Variants in DIP2B observed in about 807,000 individuals in gnomAD.
DIP2B encodes the protein DIP2 acetate--CoA ligase B (putative).
A neutral mutation model predicts 198.0 loss-of-function variants in DIP2B; 76 were observed. The observed-to-expected ratio is 0.38, with a 90% CI of 0.32 to 0.46. The LOEUF is 0.46. Ranked by LOEUF, DIP2B falls within the 20% of genes least tolerant of loss-of-function variation. The probability of loss-of-function intolerance (pLI) is 0.99; values close to 1 mark genes in which losing one functional copy is unlikely to be tolerated. For missense variants in DIP2B, 1,559 were observed against 1,978.4 expected (o/e 0.79, Z 4.02); for synonymous variants, 701 against 739.1 (o/e 0.95, Z 0.84).
At position 50,505,054 on chromosome 12, in the gene DIP2B, A is replaced by T; in HGVS notation, c.-87A>T. Reference sequence around the variant, plus strand: ...GGTGGTGCTCGGCGGCCGGAGCCGGATCCTGTAGCCGGGTGTGGGCCCGTG... The same window carrying T: ...GGTGGTGCTCGGCGGCCGGAGCCGGTTCCTGTAGCCGGGTGTGGGCCCGTG... On this transcript the variant is annotated 5_prime_UTR_variant, in exon 1 of 38. Coordinates refer to ENST00000301180, the MANE Select transcript of DIP2B (RefSeq NM_173602.3). The T allele has an allele frequency of 8.0e-7, 1 of 1,250,074 alleles. No homozygotes were observed. The highest frequency in any genetic ancestry group is 2.2e-5 in the Admixed American group (1 of 45,174). 77.4% of individuals were successfully genotyped at this position (1,250,074 alleles called of 1,614,324 possible). A position where few individuals can be genotyped will look rare whatever the true frequency, so the allele number is the denominator to read the frequency against.
At chr12:50,600,894 TCACCAC>T (rs34616785) in intron 1 of DIP2B, among the ~76,000 whole-genome samples, 1,820 of 121,534 alleles carry the variant, frequency 0.015, 40 homozygotes, top group African/African-American at 0.045. Context: ...ATGACCACCA[TCACCAC>T]CACCACCACC....
chr12:50,716,458 A>G (rs2700487), intron 23 of DIP2B, among the ~76,000 whole-genome samples: 146,720 of 152,234 alleles, frequency 0.96, 70,938 homozygotes, highest in East Asian at 1. Context: ...AACCTGGGAG[A>G]CGGAGCTTGC....
chr12:50,515,482 G>A (rs1236942581), intron 1 of DIP2B, among the ~76,000 whole-genome samples: 1 of 151,636 alleles, frequency 6.6e-6, no homozygotes, highest in Non-Finnish European at 1.5e-5. Flanking sequence ...GCCTGCCTTG[G>A]CCTCCAAAAT....
At chr12:50,604,407 C>CT (rs1339169854) in intron 1 of DIP2B, among the ~76,000 whole-genome samples, 2 of 151,994 alleles carry the variant, frequency 1.3e-5, no homozygotes, top group South Asian at 4.1e-4. Context: ...CAGTAGTAGA[C>CT]TTTTTTGTGG....
chr12:50,658,881 G>T (rs1034833920), intron 3 of DIP2B, among the ~76,000 whole-genome samples: 1 of 152,174 alleles, frequency 6.6e-6, no homozygotes, highest in Non-Finnish European at 1.5e-5. Context: ...AAGGTCAGGA[G>T]TTCAAGGCCA....
At chr12:50,742,271 C>T (rs1172566945) in intron 37 of DIP2B, among the ~76,000 whole-genome samples, 1 of 151,626 alleles carries the variant, frequency 6.6e-6, no homozygotes, top group African/African-American at 2.4e-5. Context: ...TGGTGGCATG[C>T]CTGTAGTCCC....
At chr12:50,625,867 T>A in intron 1 of DIP2B, 109 bp from the exon 2 acceptor site, 2 of 1,132,926 alleles carry the variant, frequency 1.8e-6, no homozygotes, top group Non-Finnish European at 1.3e-6. Context: ...CCCAACCCCC[T>A]GCCTCTATAT....
intron 16 of DIP2B, among the ~76,000 whole-genome samples, chr12:50,696,447 T>C (rs956685094): frequency 2.6e-5 from 4 of 152,376 alleles, no homozygotes; most frequent in South Asian, 2.1e-4. Flanking sequence ...CATCTTTTGA[T>C]GGATCTATAA....
chr12:50,674,598 C>A lies in DIP2B; in HGVS notation c.765C>A (p.Ser255=). 1 of 1,614,178 alleles carries A rather than the reference C, an allele frequency of 6.2e-7. No homozygotes were observed. The highest frequency in any genetic ancestry group is 8.5e-7 in the Non-Finnish European group (1 of 1,180,030). Residue 255 remains serine (S), a synonymous_variant, in exon 6 of 38, where the codon TCC becomes TCA. Transcript: ENST00000301180. ...SGIVKGMHKG[S]NRSSLMDTAD... ...TAGTTAAAGGCATGCACAAAGGATC[C>A]AACAGGTCCAGCCTTATGGATACAG...
chr12:50,548,428 GAC>G (rs1958395977), intron 1 of DIP2B, among the ~76,000 whole-genome samples: 1 of 152,176 alleles, frequency 6.6e-6, no homozygotes, highest in Non-Finnish European at 1.5e-5. Flanking sequence ...TATATACACA[GAC>G]ACACAAAATA....
In DIP2B at chr12:50,727,745, C is replaced by A; in HGVS notation, c.3443C>A (p.Pro1148His). Residue 1148 changes from proline to histidine, a missense_variant, in exon 29 of 38, where the codon CCC becomes CAC. Coordinates refer to ENST00000301180, the MANE Select transcript of DIP2B (RefSeq NM_173602.3). Reference sequence around the variant, plus strand: ...AGGTTACCTCAGCTGTATAAACCGCCCACTCCTGAGATGTTGGCATATCTT... The same window carrying A: ...AGGTTACCTCAGCTGTATAAACCGCACACTCCTGAGATGTTGGCATATCTT... ...RKRLPQLYKP[P>H]TPEMLAYLDF... 1 of 1,614,188 alleles carries A rather than the reference C, an allele frequency of 6.2e-7. No homozygotes were observed. The highest frequency in any genetic ancestry group is 8.5e-7 in the Non-Finnish European group (1 of 1,180,018).
intron 34 of DIP2B, 73 bp downstream of exon 34, chr12:50,735,203 CATATA>C (rs761220623): frequency 1.9e-6 from 3 of 1,541,938 alleles, no homozygotes; most frequent in South Asian, 1.1e-5. Flanking sequence ...AACCAGAAGC[CATATA>C]ATATATTAGT....
intron 19 of DIP2B, among the ~76,000 whole-genome samples, chr12:50,699,917 G>A (rs887609908): frequency 1.3e-5 from 2 of 150,670 alleles, no homozygotes; most frequent in African/African-American, 4.9e-5. Flanking sequence ...AAGGGTAAGA[G>A]GCCTCACAAA....
intron 1 of DIP2B, among the ~76,000 whole-genome samples, chr12:50,560,847 C>G (rs571385432): frequency 6.6e-6 from 1 of 152,310 alleles, no homozygotes; most frequent in South Asian, 2.1e-4. Flanking sequence ...TCACTAATCT[C>G]AGTGAGATAG....
intron 1 of DIP2B, among the ~76,000 whole-genome samples, chr12:50,605,904 C>G (rs1958977291): frequency 6.6e-6 from 1 of 152,164 alleles, no homozygotes; most frequent in South Asian, 2.1e-4. Flanking sequence ...TCACTGCAAC[C>G]TTCGCCCCCC....
rs1243434682 is a variant in DIP2B, at chr12:50,715,774, A to G, written c.2851+1178A>G. Among the ~76,000 whole-genome samples the G allele has an allele frequency of 4.3e-4, 65 of 152,218 alleles. 1 individual carries two copies. Among genetic ancestry groups the G allele is most frequent in the Admixed American group, 4.3e-3 (65 of 15,278 alleles). ...ACTTCCTCTTACTTATTATCCTCCC[A>G]CACTAAAGAATATAGTCTTTATTCC... On this transcript the variant is annotated intron_variant, in intron 23 of 37. Coordinates refer to ENST00000301180, the MANE Select transcript of DIP2B (RefSeq NM_173602.3).
rs751611915 is a variant in DIP2B at position 50,713,200 on chromosome 12, G to T, written c.2650-1195G>T. On this transcript the variant is annotated intron_variant, in intron 22 of 37. Coordinates refer to ENST00000301180, the MANE Select transcript of DIP2B (RefSeq NM_173602.3). Reference sequence around the variant, plus strand: ...TGAACTCAAACTGTCTTCTCACCTTGGCCTCCCAAAGTGCTGAGATTACAG... The same window carrying T: ...TGAACTCAAACTGTCTTCTCACCTTTGCCTCCCAAAGTGCTGAGATTACAG... Among the ~76,000 whole-genome samples, 12 of 152,012 alleles carry T rather than the reference G, an allele frequency of 7.9e-5. 1 individual carries two copies. Among genetic ancestry groups the T allele is most frequent in the Non-Finnish European group, 1.8e-4 (12 of 68,016 alleles).
chr12:50,541,252 TGTA>T (rs1411161252), intron 1 of DIP2B, among the ~76,000 whole-genome samples: 2 of 152,164 alleles, frequency 1.3e-5, no homozygotes, highest in African/African-American at 2.4e-5. Flanking sequence ...AGTCTTGAAT[TGTA>T]GTGTTTCTGT....
At chr12:50,524,414 G>C (rs1958145131) in intron 1 of DIP2B, among the ~76,000 whole-genome samples, 1 of 152,092 alleles carries the variant, frequency 6.6e-6, no homozygotes, top group Admixed American at 6.6e-5. Flanking sequence ...TGGCCTGCAA[G>C]ACCTACACCG....
Sources: gnomAD v4.1 joint callset for allele counts (sites outside exome capture counted in the v4.1 genomes callset) on GRCh38, gnomAD v4.1.1 for gene constraint, MANE v1.5 for transcripts, NCBI Gene and HGNC (gene_info 2026-07-23, HGNC 2026-07-21) for gene names.